The following EPB41L4A variants were observed in gnomAD, a reference collection of about 807,000 sequenced individuals.
The protein encoded by EPB41L4A is erythrocyte membrane protein band 4.1 like 4A.
In EPB41L4A, 100 loss-of-function variants were observed where a neutral mutation model predicts 108.6. The observed-to-expected ratio is 0.92, with a 90% CI of 0.78 to 1.09. The LOEUF is 1.09. EPB41L4A is among the 50% of genes least tolerant of loss of function. The pLI, the probability that EPB41L4A is intolerant of heterozygous loss-of-function variation, is 0.00. For synonymous variants in EPB41L4A, 319 were observed against 289.0 expected, an observed-to-expected ratio of 1.10 and a Z score of -1.05; for missense variants, 1,030 against 842.7, an observed-to-expected ratio of 1.22 and a Z score of -2.75.
rs573340469 is a variant in EPB41L4A at position 112,180,375 on chromosome 5, G to A, written c.1622+3641C>T. On this transcript the variant is annotated intron_variant, in intron 18 of 22. Coordinates refer to ENST00000261486, the MANE Select transcript of EPB41L4A (RefSeq NM_022140.5). Reference sequence around the variant, plus strand: ...TAACCGAGACAACATGATGGCTTAGGGATAGACAAATAGATCAATGAAACA... The same window carrying A: ...TAACCGAGACAACATGATGGCTTAGAGATAGACAAATAGATCAATGAAACA... Among the ~76,000 whole-genome samples, 11 of 152,096 alleles carry A rather than the reference G, an allele frequency of 7.2e-5. No homozygotes were observed. In the East Asian group the frequency reaches 1.2e-3, roughly 16 times the overall value.
chr5:112,143,964 T>G (rs1232102690), intron 13 of EPB41L4A: 1 of 423,028 alleles, frequency 2.4e-6, no homozygotes, highest in Non-Finnish European at 4.8e-6. Flanking sequence ...AATTATGCTA[T>G]GGCCACCCTC....
chr5:112,299,126 CTTT>C (rs1379950366), intron 2 of EPB41L4A, among the ~76,000 whole-genome samples: 1 of 151,938 alleles, frequency 6.6e-6, no homozygotes, highest in East Asian at 1.9e-4. Context: ...TTTTGCATTT[CTTT>C]TTGTTTCAAT....
At chr5:112,176,837 C>G (rs1760894149) in intron 18 of EPB41L4A, among the ~76,000 whole-genome samples, 1 of 146,798 alleles carries the variant, frequency 6.8e-6, no homozygotes, top group South Asian at 2.2e-4. Context: ...TTACTGCAAC[C>G]TCCGCCTCCC....
At chr5:112,379,158 A>G (rs1760009475) in intron 1 of EPB41L4A, among the ~76,000 whole-genome samples, 1 of 152,220 alleles carries the variant, frequency 6.6e-6, no homozygotes, top group East Asian at 1.9e-4. Flanking sequence ...ACTGGCTTTC[A>G]GTGGGCATCA....
chr5:112,237,117 G>A (rs564026633), intron 11 of EPB41L4A, among the ~76,000 whole-genome samples: 1 of 152,202 alleles, frequency 6.6e-6, no homozygotes, highest in East Asian at 1.9e-4. Flanking sequence ...ACAACTTAAT[G>A]ACAGGTAAAG....
intron 17 of EPB41L4A, among the ~76,000 whole-genome samples, chr5:112,194,024 C>T (rs1761838054): frequency 6.6e-6 from 1 of 152,106 alleles, no homozygotes; most frequent in African/African-American, 2.4e-5. Flanking sequence ...TGCATTAAGC[C>T]ACCACTAATA....
intron 2 of EPB41L4A, among the ~76,000 whole-genome samples, chr5:112,293,375 A>C (rs1452025097): frequency 1.8e-4 from 18 of 98,856 alleles, no homozygotes; most frequent in African/African-American, 1.2e-3. Flanking sequence ...CTTTTAATTT[A>C]GTTTAATTTA....
intron 12 of EPB41L4A, chr5:112,228,436 G>GC: frequency 6.6e-6 from 1 of 152,338 alleles, no homozygotes; most frequent in Non-Finnish European, 1.5e-5. Flanking sequence ...TCTGTTTGCA[G>GC]CCCCTTCCAC....
downstream of EPB41L4A, among the ~76,000 whole-genome samples, chr5:112,142,008 C>T (rs1759089527): frequency 6.6e-6 from 1 of 152,094 alleles, no homozygotes; most frequent in African/African-American, 2.4e-5. Flanking sequence ...AGGATTTGAG[C>T]CGAATTATTT....
chr5:112,181,198 C>T (rs1035276997), intron 18 of EPB41L4A, among the ~76,000 whole-genome samples: 1 of 151,160 alleles, frequency 6.6e-6, no homozygotes, highest in African/African-American at 2.4e-5. Context: ...ATGCCTGTAA[C>T]CCCAGCACTT....
At chr5:112,310,824 C>G (rs1252331931) in intron 1 of EPB41L4A, among the ~76,000 whole-genome samples, 1 of 152,146 alleles carries the variant, frequency 6.6e-6, no homozygotes, top group Non-Finnish European at 1.5e-5. Context: ...CCCAGAATAA[C>G]TGACAGCCAG....
intron 9 of EPB41L4A, chr5:112,249,517 C>T (rs1328156188): frequency 6.6e-6 from 1 of 152,108 alleles, no homozygotes; most frequent in African/African-American, 2.4e-5. Context: ...AAAAATTAAA[C>T]TATGTTAGTA....
intron 1 of EPB41L4A, among the ~76,000 whole-genome samples, chr5:112,312,752 G>C (rs1408500431): frequency 6.6e-6 from 1 of 152,154 alleles, no homozygotes; most frequent in South Asian, 2.1e-4. Flanking sequence ...TGCCCAATCA[G>C]TATTCCATTG....
intron 1 of EPB41L4A, among the ~76,000 whole-genome samples, chr5:112,338,289 A>T (rs1005196009): frequency 6.6e-6 from 1 of 151,938 alleles, no homozygotes; most frequent in Non-Finnish European, 1.5e-5. Context: ...AGCTTCTCAG[A>T]CCCCTTCAAA....
intron 1 of EPB41L4A, among the ~76,000 whole-genome samples, chr5:112,391,327 T>G (rs1204612752): frequency 1.3e-5 from 2 of 151,752 alleles, no homozygotes; most frequent in African/African-American, 2.4e-5. Flanking sequence ...GCTAAAAACT[T>G]TGAAAAAAGA....
intron 1 of EPB41L4A, among the ~76,000 whole-genome samples, chr5:112,401,756 C>T (rs141182473): frequency 2.1e-3 from 318 of 152,148 alleles, no homozygotes; most frequent in Middle Eastern, 6.8e-3. Context: ...TCCATGGAGA[C>T]GAGATTAGAC....
chr5:112,255,342 C>T (rs4130531), intron 9 of EPB41L4A, among the ~76,000 whole-genome samples: 3,817 of 152,116 alleles, frequency 0.025, 165 homozygotes, highest in African/African-American at 0.088. Flanking sequence ...TTGTTCATTC[C>T]CCCGTTAATG....
intron 1 of EPB41L4A, among the ~76,000 whole-genome samples, chr5:112,317,113 T>C (rs1755478333): frequency 6.6e-6 from 1 of 152,158 alleles, no homozygotes; most frequent in Non-Finnish European, 1.5e-5. Context: ...GACATGAACA[T>C]ATAGTGAGCG....
intron 2 of EPB41L4A, among the ~76,000 whole-genome samples, chr5:112,282,510 G>A (rs1753029822): frequency 1.3e-5 from 2 of 152,172 alleles, no homozygotes; most frequent in Admixed American, 6.5e-5. Flanking sequence ...CTGAAAGTTA[G>A]TGTCTTTCTT....
Sources: allele counts gnomAD v4.1 joint callset (sites outside exome capture counted in the v4.1 genomes callset), GRCh38; gene constraint gnomAD v4.1.1; transcripts MANE v1.5; gene names NCBI Gene and HGNC (gene_info 2026-07-23, HGNC 2026-07-21).